NSD1: variants seen among roughly 807,000 people sequenced by gnomAD.
NSD1 encodes nuclear receptor binding SET domain protein 1, also known as histone-lysine N-methyltransferase, H3 lysine-36 specific.
A neutral mutation model predicts 242.7 loss-of-function variants in NSD1; 26 were observed. That is an observed-to-expected ratio of 0.11 (90% confidence interval 0.08 to 0.15). The LOEUF is 0.15. NSD1 is among the 10% of genes least tolerant of loss of function. NSD1 has a pLI of 1.00. For missense variants in NSD1, 2,495 were observed against 3,272.8 expected (o/e 0.76, Z 5.80); for synonymous variants, 1,106 against 1,178.1 (o/e 0.94, Z 1.25).
At chr5:177,178,275 G>GGAGTGC (rs1760370424) in intron 2 of NSD1, among the ~76,000 whole-genome samples, 1 of 152,106 alleles carries the variant, frequency 6.6e-6, no homozygotes, top group Non-Finnish European at 1.5e-5. Context: ...TGCCTAGGCT[G>GGAGTGC]GAGTGCAATG....
chr5:177,158,570 T>TCGGC (rs1758399205), intron 2 of NSD1, among the ~76,000 whole-genome samples: 1 of 151,970 alleles, frequency 6.6e-6, no homozygotes, highest in Non-Finnish European at 1.5e-5. Context: ...ACTCCTGACC[T>TCGGC]CAGGTGATTC....
chr5:177,279,413 G>A (rs573174934), intron 17 of NSD1, among the ~76,000 whole-genome samples: 1,825 of 152,066 alleles, frequency 0.012, 19 homozygotes, highest in Non-Finnish European at 0.019. Context: ...CAGTAGAATG[G>A]CTAGAACCCA....
At chr5:177,275,685 A>G (rs1404776289) in intron 17 of NSD1, among the ~76,000 whole-genome samples, 1 of 151,944 alleles carries the variant, frequency 6.6e-6, no homozygotes, top group Non-Finnish European at 1.5e-5. Context: ...GGCCTGCCTT[A>G]GCCTCCCAAA....
intron 5 of NSD1, among the ~76,000 whole-genome samples, chr5:177,232,536 C>T (rs1420393833): frequency 6.6e-6 from 1 of 152,190 alleles, no homozygotes; most frequent in African/African-American, 2.4e-5. Context: ...AAAAACTATC[C>T]TTCCATCACC....
chr5:177,135,733 A>C lies in NSD1; in HGVS notation c.630A>C (p.Glu210Asp), dbSNP rs1756261932. 6.2e-7 allele frequency: 1 copy of C among 1,614,238 alleles called. No homozygotes were observed. Reference protein sequence around the residue: ...ENGVKVAMGSEQDSTPESRHG... With the variant: ...ENGVKVAMGSDQDSTPESRHG... ...GTGTAAAAGTGGCCATGGGAAGTGA[A>C]CAAGACAGCACACCAGAGAGTAGAC... The change falls in exon 2 of 23, where the codon GAA becomes GAC. Residue 210 changes from glutamate (E) to aspartate (D), a missense_variant. Physicochemically the swap from Glu to Asp is conservative, Grantham distance 45. This residue lies in a region of NSD1 where 376 missense variants were observed against 367.4 expected (regional missense o/e 1.02). Transcript: ENST00000439151.
chr5:177,171,503 A>G (rs539645467), intron 2 of NSD1, among the ~76,000 whole-genome samples: 2 of 152,112 alleles, frequency 1.3e-5, no homozygotes, highest in Non-Finnish European at 2.9e-5. Flanking sequence ...GTTTATCCTT[A>G]TTTAGCATGT....
chr5:177,141,817 A>G (rs1387914046), intron 2 of NSD1, among the ~76,000 whole-genome samples: 2 of 152,148 alleles, frequency 1.3e-5, no homozygotes, highest in South Asian at 2.1e-4. Context: ...ATATTCACCT[A>G]AAATGTAATA....
At chr5:177,175,783 T>C (rs1581209813) in intron 2 of NSD1, among the ~76,000 whole-genome samples, 1 of 152,154 alleles carries the variant, frequency 6.6e-6, no homozygotes, top group Non-Finnish European at 1.5e-5. Flanking sequence ...GTTTTATTAA[T>C]AAAATACTCT....
intron 2 of NSD1, among the ~76,000 whole-genome samples, chr5:177,181,124 C>T (rs1415936856): frequency 2.0e-5 from 3 of 150,752 alleles, no homozygotes; most frequent in East Asian, 3.9e-4. Flanking sequence ...CTGCAAACTC[C>T]GCCTCCCAGG....
chr5:177,210,023 A>G lies in NSD1; in HGVS notation c.1624A>G (p.Ile542Val), dbSNP rs762981174. Reference sequence around the variant, plus strand: ...TGGCCTAAACTTTATCTCTGGGGATATATCTGATACGCAGGCCTCTAATGA... The same window carrying G: ...TGGCCTAAACTTTATCTCTGGGGATGTATCTGATACGCAGGCCTCTAATGA... ...NLGLNFISGD[I>V]SDTQASNELS... The change falls in exon 5 of 23, where the codon ATA (isoleucine) becomes GTA (valine). Residue 542 changes from isoleucine to valine, a missense_variant. Coordinates refer to ENST00000439151, the MANE Select transcript of NSD1 (RefSeq NM_022455.5). 6 of 1,614,034 alleles carry G rather than the reference A, an allele frequency of 3.7e-6. No individual in the cohort carries two copies. In the African/African-American group the frequency reaches 6.7e-5, roughly 18 times the overall value.
chr5:177,207,671 C>T (rs1332193651), intron 4 of NSD1, among the ~76,000 whole-genome samples: 1 of 140,504 alleles, frequency 7.1e-6, no homozygotes, highest in East Asian at 2.2e-4. Context: ...CTAAAGGCAT[C>T]CTCCTGCCTC....
chr5:177,248,436 T>C, intron 11 of NSD1, 112 bp downstream of exon 11: 1 of 1,314,872 alleles, frequency 7.6e-7, no homozygotes, highest in Non-Finnish European at 1.1e-6. Flanking sequence ...TTTTGGATGA[T>C]TCCAGTGGAG....
At chr5:177,184,808 T>C (rs1760970244) in intron 2 of NSD1, among the ~76,000 whole-genome samples, 1 of 152,156 alleles carries the variant, frequency 6.6e-6, no homozygotes, top group South Asian at 2.1e-4. Context: ...GTGCTAGGAT[T>C]GTGCAGGCCT....
intron 2 of NSD1, among the ~76,000 whole-genome samples, chr5:177,175,327 TACAG>T (rs973076385): frequency 1.3e-5 from 2 of 152,166 alleles, no homozygotes; most frequent in Admixed American, 6.6e-5. Flanking sequence ...GCGTATATGT[TACAG>T]ACAGTCTTTT....
intron 13 of NSD1, among the ~76,000 whole-genome samples, chr5:177,258,115 G>C (rs1351222389): frequency 2.0e-5 from 3 of 151,352 alleles, no homozygotes; most frequent in African/African-American, 4.9e-5. Context: ...CGAGTAGCTG[G>C]GATTACAGGC....
At chr5:177,225,394 GA>G (rs1562230753) in intron 5 of NSD1, among the ~76,000 whole-genome samples, 1 of 152,068 alleles carries the variant, frequency 6.6e-6, no homozygotes. Context: ...CTGCCTGTCT[GA>G]GCCTCCCAAA....
At chr5:177,132,243 C>T (rs1755931264), upstream of NSD1, among the ~76,000 whole-genome samples, 1 of 151,860 alleles carries the variant, frequency 6.6e-6, no homozygotes, top group African/African-American at 2.4e-5. This position sits in a 1 kb window ranked among gnomAD's most constrained non-coding sequence, Gnocchi z 7.5. Context: ...GAGGCGCGCA[C>T]TCCCCGGGGA....
chr5:177,289,477 T>A (rs1759605148), intron 21 of NSD1, among the ~76,000 whole-genome samples: 1 of 152,196 alleles, frequency 6.6e-6, no homozygotes, highest in African/African-American at 2.4e-5. Flanking sequence ...CTTTTCTAAC[T>A]AATAATGCTG....
intron 5 of NSD1, among the ~76,000 whole-genome samples, chr5:177,219,921 C>G (rs1360152029): frequency 6.6e-6 from 1 of 152,056 alleles, no homozygotes; most frequent in African/African-American, 2.4e-5. Context: ...GAGATCACGC[C>G]ACTGCACTCC....
Sources: allele counts gnomAD v4.1 joint callset (sites outside exome capture counted in the v4.1 genomes callset), GRCh38; gene constraint gnomAD v4.1.1; regional missense constraint gnomAD v4.1.1; non-coding constraint Gnocchi (gnomAD v3.1); transcripts MANE v1.5; gene names NCBI Gene and HGNC (gene_info 2026-07-23, HGNC 2026-07-21).